PTPRT: variants seen among roughly 807,000 people sequenced by gnomAD.
The protein encoded by PTPRT is protein tyrosine phosphatase receptor type T, also known as receptor-type tyrosine-protein phosphatase T.
Under a neutral mutation model 176.8 loss-of-function variants are expected in PTPRT, and 56 were observed. That is an observed-to-expected ratio of 0.32 (90% CI 0.26 to 0.40). The LOEUF is 0.40. Ranked by LOEUF, PTPRT falls within the 10% of genes least tolerant of loss-of-function variation. The probability of loss-of-function intolerance (pLI) is 1.00; values close to 1 mark genes in which losing one functional copy is unlikely to be tolerated. For missense variants in PTPRT, 1,540 were observed against 1,908.2 expected (o/e 0.81, Z 3.60); for synonymous variants, 783 against 739.0 (o/e 1.06, Z -0.96).
At chr20:42,039,692 G>GTGTATATATATA in the PTPRT span, among the ~76,000 whole-genome samples, 13 of 113,206 alleles carry the variant, frequency 1.1e-4, no homozygotes, top group Non-Finnish European at 2.4e-4. Flanking sequence ...ATTCTGTTGT[G>GTGTATATATATA]TATATATATA....
chr20:43,080,933 A>T (rs2011424672), intron 1 of PTPRT, among the ~76,000 whole-genome samples: 1 of 152,268 alleles, frequency 6.6e-6, no homozygotes, highest in African/African-American at 2.4e-5. Context: ...CCTGTTGTAT[A>T]CAGGTGCTTA....
intron 2 of PTPRT, among the ~76,000 whole-genome samples, chr20:42,827,265 C>T (rs1056994675): frequency 2.6e-5 from 4 of 152,132 alleles, no homozygotes; most frequent in Admixed American, 2.6e-4. Flanking sequence ...CTTCTCATCA[C>T]CACATGGCAC....
In PTPRT at chr20:42,889,138, C is replaced by A. The variant is rs188701948; in HGVS notation, c.89-3206G>T. 5.3e-5 allele frequency among the ~76,000 whole-genome samples: 8 copies of A among 152,268 alleles called. No individual in the cohort carries two copies. The East Asian group carries it at 1.5e-3, about 29-fold the overall frequency. On this transcript the variant is annotated intron_variant, in intron 1 of 30. Transcript: ENST00000373187. Reference sequence around the variant, plus strand: ...AGACACTCAGCTGATACTGAGCTGACTGCTGACAGGTCCTGGCCCTCTGAG... The same window carrying A: ...AGACACTCAGCTGATACTGAGCTGAATGCTGACAGGTCCTGGCCCTCTGAG...
intron 1 of PTPRT, among the ~76,000 whole-genome samples, chr20:43,083,014 C>G (rs2011481161): frequency 6.6e-6 from 1 of 151,830 alleles, no homozygotes; most frequent in Non-Finnish European, 1.5e-5. Context: ...TATATAAACC[C>G]CTAATTTTAG....
intron 17 of PTPRT, among the ~76,000 whole-genome samples, chr20:42,159,129 T>G (rs533195798): frequency 2.0e-5 from 3 of 150,954 alleles, no homozygotes; most frequent in African/African-American, 7.3e-5. Context: ...GTAAGCCACA[T>G]ATCTCCCTTA....
intron 6 of PTPRT, among the ~76,000 whole-genome samples, chr20:42,746,051 A>C (rs2076686203): frequency 6.6e-6 from 1 of 152,228 alleles, no homozygotes; most frequent in South Asian, 2.1e-4. Flanking sequence ...ATGAGAATTT[A>C]ATGCAGTTGC....
intron 6 of PTPRT, among the ~76,000 whole-genome samples, chr20:42,717,183 TAA>T (rs2076237861): frequency 8.3e-4 from 2 of 2,402 alleles, no homozygotes; most frequent in South Asian, 8.3e-3. Flanking sequence ...ACTTAAAGTA[TAA>T]TAATAATAAT....
At chr20:42,314,421 C>T (rs577158207) in intron 12 of PTPRT, among the ~76,000 whole-genome samples, 4 of 150,624 alleles carry the variant, frequency 2.7e-5, no homozygotes, top group South Asian at 2.1e-4. Flanking sequence ...CCCAGCTACT[C>T]GGGAGGCTGA....
At chr20:42,409,355 G>A (rs1046660900) in intron 9 of PTPRT, among the ~76,000 whole-genome samples, 1 of 151,502 alleles carries the variant, frequency 6.6e-6, no homozygotes, top group Non-Finnish European at 1.5e-5. Context: ...GGTGTCTCGC[G>A]CCTGTAGTCC....
chr20:42,092,379 T>A (rs1316938869), intron 27 of PTPRT, among the ~76,000 whole-genome samples: 1 of 151,672 alleles, frequency 6.6e-6, no homozygotes, highest in Non-Finnish European at 1.5e-5. Context: ...GGATGGGGAG[T>A]AGGGAACAGA....
At chr20:42,968,561 G>A (rs1982435553) in intron 1 of PTPRT, among the ~76,000 whole-genome samples, 1 of 152,164 alleles carries the variant, frequency 6.6e-6, no homozygotes, top group Non-Finnish European at 1.5e-5. Flanking sequence ...ATGAAAATGG[G>A]CTCCATGGGG....
rs192565668 is a variant in PTPRT, at chr20:43,040,673, G to A, written c.88+148973C>T. ...CTCTTGTCAGAAGAGGACCAAAGAG[G>A]AAGCGCCGGTTTGTCTCTTCTTTCC... On this transcript the variant is annotated intron_variant, in intron 1 of 30. Coordinates refer to ENST00000373187, the MANE Select transcript of PTPRT (RefSeq NM_007050.6). 3.3e-5 allele frequency among the ~76,000 whole-genome samples: 5 copies of A among 152,308 alleles called. No individual in the cohort carries two copies. In the East Asian group the frequency reaches 9.7e-4, roughly 29 times the overall value.
chr20:43,027,413 T>C (rs1192375469), intron 1 of PTPRT, among the ~76,000 whole-genome samples: 1 of 148,796 alleles, frequency 6.7e-6, no homozygotes, highest in South Asian at 2.1e-4. Context: ...GAGGTGGAGG[T>C]TGCAGTGAGC....
intron 16 of PTPRT, among the ~76,000 whole-genome samples, chr20:42,184,413 T>G (rs1409292592): frequency 6.6e-6 from 1 of 151,764 alleles, no homozygotes; most frequent in African/African-American, 2.4e-5. Context: ...CTGGTATTTC[T>G]TTCCTTTCCT....
At chr20:42,636,575 A>G (rs543109655) in intron 7 of PTPRT, among the ~76,000 whole-genome samples, 65 of 152,152 alleles carry the variant, frequency 4.3e-4, no homozygotes, top group Non-Finnish European at 7.5e-4. Context: ...ACTTGAGATC[A>G]GGAGTTTGAG....
intron 25 of PTPRT, among the ~76,000 whole-genome samples, chr20:42,103,606 C>A (rs144047307): frequency 1.2e-4 from 19 of 152,302 alleles, no homozygotes; most frequent in African/African-American, 4.3e-4. Flanking sequence ...GCTGGGATTA[C>A]AGGTGCATGC....
chr20:42,848,920 T>C (rs2078424026), intron 2 of PTPRT, among the ~76,000 whole-genome samples: 2 of 152,250 alleles, frequency 1.3e-5, no homozygotes, highest in Admixed American at 6.5e-5. Context: ...TTTCCGATGT[T>C]ATCTTCTAGA....
At chr20:42,199,809 A>C (rs1991378310) in intron 15 of PTPRT, among the ~76,000 whole-genome samples, 1 of 152,128 alleles carries the variant, frequency 6.6e-6, no homozygotes, top group Non-Finnish European at 1.5e-5. Context: ...TGAGCTCATC[A>C]AAAACCTACC....
intron 2 of PTPRT, among the ~76,000 whole-genome samples, chr20:42,805,042 C>T (rs2077585455): frequency 6.6e-6 from 1 of 152,126 alleles, no homozygotes; most frequent in South Asian, 2.1e-4. Context: ...CTACTGTGTT[C>T]ATCACCCAAA....
Sources: gnomAD v4.1 joint callset for allele counts (sites outside exome capture counted in the v4.1 genomes callset) on GRCh38, gnomAD v4.1.1 for gene constraint, MANE v1.5 for transcripts, NCBI Gene and HGNC (gene_info 2026-07-23, HGNC 2026-07-21) for gene names.